The following CCM2L variants were observed in gnomAD, a reference collection of about 807,000 sequenced individuals.
CCM2L encodes the protein CCM2 like scaffold protein, also known as cerebral cavernous malformations 2 protein-like.
In CCM2L, 36 loss-of-function variants were observed where a neutral mutation model predicts 54.1. That is an observed-to-expected ratio of 0.67 (90% confidence interval 0.51 to 0.88). CCM2L has a LOEUF of 0.88. CCM2L is among the 40% of genes least tolerant of loss of function. The probability of loss-of-function intolerance (pLI) is 0.00; values close to 1 mark genes in which losing one functional copy is unlikely to be tolerated. For missense variants in CCM2L, 700 were observed against 812.1 expected, an observed-to-expected ratio of 0.86 and a Z score of 1.68; for synonymous variants, 351 against 359.3, an observed-to-expected ratio of 0.98 and a Z score of 0.26.
intron 1 of CCM2L, among the ~76,000 whole-genome samples, chr20:32,011,185 G>C (rs2064691950): frequency 6.6e-6 from 1 of 151,932 alleles, no homozygotes; most frequent in African/African-American, 2.4e-5. Flanking sequence ...ATCACAGAGG[G>C]CTCAGAAGGG....
chr20:32,031,071 C>T lies in CCM2L; in HGVS notation c.1473C>T (p.Arg491=). ...GCTTCCTGGAGGGCGTGGGCATCCG[C>T]GAGGGCGGCATCCTCACTGACAGCT... ...FEGFLEGVGI[R]EGGILTDSFG... is the part of the protein sequence containing the mutation. Residue 491 remains arginine, a synonymous_variant, in exon 10 of 10, where the codon CGC becomes CGT. Coordinates refer to ENST00000452892, the MANE Select transcript of CCM2L (RefSeq NM_001365692.1). 3 of 1,304,258 alleles carry T rather than the reference C, an allele frequency of 2.3e-6. No individual in the cohort carries two copies. Among genetic ancestry groups the T allele is most frequent in the Non-Finnish European group, 3.0e-6 (3 of 988,946 alleles). 80.8% of individuals were successfully genotyped at this position (1,304,258 alleles called of 1,614,324 possible).
chr20:32,014,064 C>T (rs2064716896), intron 1 of CCM2L, among the ~76,000 whole-genome samples: 1 of 152,014 alleles, frequency 6.6e-6, no homozygotes, highest in South Asian at 2.1e-4. Flanking sequence ...AACCTTGATC[C>T]AGGCCATTTT....
At chr20:32,027,033 T>C (rs923164729) in intron 7 of CCM2L, among the ~76,000 whole-genome samples, 8 of 152,148 alleles carry the variant, frequency 5.3e-5, no homozygotes, top group African/African-American at 1.7e-4. Flanking sequence ...AATAAATAAA[T>C]AAACAAATAA....
chr20:32,019,074 A>T lies in CCM2L; in HGVS notation c.598A>T (p.Ser200Cys). ...CGCGGAGCGGCGCCACACCATCTGC[A>T]GCCTGGACTGGCGGATGGGGTGGGG... Reference protein sequence around the residue: ...GTAERRHTICSLDWRMGWGGG... With the variant: ...GTAERRHTICCLDWRMGWGGG... The change falls in exon 5 of 10, where the codon AGC becomes TGC. Residue 200 changes from serine (S) to cysteine (C), a missense_variant. By Grantham distance (112) the Ser-to-Cys change is moderately radical. Transcript: ENST00000452892. 2 of 1,226,744 alleles carry T rather than the reference A, an allele frequency of 1.6e-6. No homozygotes were observed. The allele number at this position is 1,226,744 out of a possible 1,614,324, so 76.0% of individuals were successfully genotyped here. A position where few individuals can be genotyped will look rare whatever the true frequency, so the allele number is the denominator to read the frequency against.
chr20:32,025,882 T>G lies in CCM2L; in HGVS notation c.1096T>G (p.Tyr366Asp). The G allele has an allele frequency of 7.7e-7, 1 of 1,304,188 alleles. No individual in the cohort carries two copies. Among genetic ancestry groups the G allele is most frequent in the Non-Finnish European group, 1.0e-6 (1 of 988,956 alleles). 80.8% of individuals were successfully genotyped at this position (1,304,188 alleles called of 1,614,324 possible). Residue 366 changes from tyrosine to aspartate, a missense_variant, in exon 7 of 10, where the codon TAT (tyrosine) becomes GAT (aspartate). Transcript: ENST00000452892. ...RSESCHTDGT[Y>D]AYDADFSCCS... ...TGAGAGCTGCCACACAGATGGGACGTATGCCTATGATGCCGACTTCAGCTG... is the reference window on the plus strand; with the variant it reads ...TGAGAGCTGCCACACAGATGGGACGGATGCCTATGATGCCGACTTCAGCTG...
Position 32,022,652 on chromosome 20 carries a change from T to G in CCM2L, c.934-8T>G. ...GACCTGAGCTCTCTCTCCTCCTCCC[T>G]GGGCCAGGACGCTGCAGAGGAGTCC... On this transcript the variant is annotated splice_region_variant and splice_polypyrimidine_tract_variant and intron_variant, in intron 5 of 9. Coordinates refer to ENST00000452892, the MANE Select transcript of CCM2L (RefSeq NM_001365692.1). 6.2e-7 allele frequency: 1 copy of G among 1,613,734 alleles called. No homozygotes were observed. Among genetic ancestry groups the G allele is most frequent in the Non-Finnish European group, 8.5e-7 (1 of 1,179,782 alleles).
intron 1 of CCM2L, among the ~76,000 whole-genome samples, chr20:32,012,799 TACTG>T (rs1266184691): frequency 6.6e-6 from 1 of 152,228 alleles, no homozygotes; most frequent in Non-Finnish European, 1.5e-5. Flanking sequence ...TGTAAATGTT[TACTG>T]AATGAATGAG....
At chr20:32,019,502 A>G in intron 5 of CCM2L, 93 bp downstream of exon 5, 1 of 898,336 alleles carries the variant, frequency 1.1e-6, no homozygotes, top group Non-Finnish European at 1.5e-6. Flanking sequence ...CCAGGTTCCT[A>G]GGATCTGCCC....
At chr20:32,022,894 G>T in intron 6 of CCM2L, 99 bp downstream of exon 6, 1 of 1,360,864 alleles carries the variant, frequency 7.3e-7, no homozygotes. Context: ...AGGTATTTAG[G>T]GCTCCTGATC....
intron 5 of CCM2L, among the ~76,000 whole-genome samples, chr20:32,021,938 T>C (rs999199108): frequency 3.9e-5 from 6 of 152,356 alleles, no homozygotes; most frequent in South Asian, 2.1e-4. Context: ...TTTGGGCTTT[T>C]TTATTTTTAT....
chr20:32,016,534 T>C (rs2064742614), intron 2 of CCM2L, among the ~76,000 whole-genome samples: 1 of 151,988 alleles, frequency 6.6e-6, no homozygotes, highest in South Asian at 2.1e-4. Context: ...TGGGTGCCTG[T>C]AATCCCAGCT....
chr20:32,010,549 C>CT, intron 1 of CCM2L, 65 bp downstream of exon 1: 3 of 168,942 alleles, frequency 1.8e-5, no homozygotes, highest in Admixed American at 2.0e-4. Context: ...AGGGGGCAAA[C>CT]TGGGGCGGGG....
intron 1 of CCM2L, among the ~76,000 whole-genome samples, chr20:32,013,923 TTC>T (rs1332902064): frequency 6.6e-6 from 1 of 152,160 alleles, no homozygotes; most frequent in Non-Finnish European, 1.5e-5. Context: ...TAATCTGCAT[TTC>T]TCTCAGTTCC....
At chr20:32,024,757 G>T (rs2122355711) in intron 6 of CCM2L, among the ~76,000 whole-genome samples, 1 of 152,352 alleles carries the variant, frequency 6.6e-6, no homozygotes, top group South Asian at 2.1e-4. Flanking sequence ...AACCTGGGAG[G>T]TGGAGGTTGT....
chr20:32,027,499 A>C (rs2064873774), intron 7 of CCM2L, among the ~76,000 whole-genome samples: 1 of 152,252 alleles, frequency 6.6e-6, no homozygotes, highest in Non-Finnish European at 1.5e-5. Flanking sequence ...AGTGTTCTAC[A>C]AATATTAACT....
Position 32,026,019 on chromosome 20 carries a change from T to G in CCM2L, c.1133+100T>G, listed in dbSNP as rs1430686913. 6.9e-6 allele frequency: 6 copies of G among 867,198 alleles called. No individual in the cohort carries two copies. The Admixed American group carries it at 1.4e-4, about 21-fold the overall frequency. 53.7% of individuals were successfully genotyped at this position (867,198 alleles called of 1,614,324 possible). A position where few individuals can be genotyped will look rare whatever the true frequency, so the allele number is the denominator to read the frequency against. On this transcript the variant is annotated intron_variant, in intron 7 of 9. Coordinates refer to ENST00000452892, the MANE Select transcript of CCM2L (RefSeq NM_001365692.1). ...GAGAAGGTGACCCAACCTTGATGTGTGCTGAGACACTGGGCACTAAGAGGG... is the reference window on the plus strand; with the variant it reads ...GAGAAGGTGACCCAACCTTGATGTGGGCTGAGACACTGGGCACTAAGAGGG...
At chr20:32,015,859 C>CTTCTTTTTTTTT (rs1462683927) in intron 2 of CCM2L, among the ~76,000 whole-genome samples, 1 of 127,924 alleles carries the variant, frequency 7.8e-6, no homozygotes, top group African/African-American at 3.2e-5. Context: ...AGCTGTACTT[C>CTTCTTTTTTTTT]TTTTTTTTTT....
chr20:32,029,580 G>A, intron 8 of CCM2L, 120 bp from the exon 9 acceptor site: 1 of 1,290,632 alleles, frequency 7.7e-7, no homozygotes, highest in Non-Finnish European at 1.0e-6. Context: ...ATAGCCCATG[G>A]GAAGGTTTTC....
At chr20:32,015,185 G>T (rs1568910670) in intron 2 of CCM2L, 114 bp downstream of exon 2, 1 of 1,112,390 alleles carries the variant, frequency 9.0e-7, no homozygotes. Flanking sequence ...GTGGCTCATT[G>T]GAAAGAGGCC....
Sources: allele counts gnomAD v4.1 joint callset (sites outside exome capture counted in the v4.1 genomes callset), GRCh38; gene constraint gnomAD v4.1.1; transcripts MANE v1.5; gene names NCBI Gene and HGNC (gene_info 2026-07-23, HGNC 2026-07-21).